ZMAT4: variants seen among roughly 807,000 people sequenced by gnomAD.
The protein encoded by ZMAT4 is zinc finger matrin-type 4, also known as zinc finger matrin-type protein 4.
Under a neutral mutation model 28.7 loss-of-function variants are expected in ZMAT4, and 17 were observed. That is an observed-to-expected ratio of 0.59 (90% CI 0.41 to 0.89). The LOEUF (loss-of-function observed/expected upper bound fraction) is 0.89. ZMAT4 is among the 40% of genes least tolerant of loss of function. ZMAT4 has a pLI of 0.00. For synonymous variants in ZMAT4, 117 were observed against 109.2 expected (o/e 1.07, Z -0.44); for missense variants, 240 against 283.8 (o/e 0.85, Z 1.11).
chr8:40,843,008 C>T (rs1816756036), intron 1 of ZMAT4, among the ~76,000 whole-genome samples: 1 of 152,114 alleles, frequency 6.6e-6, no homozygotes, highest in Admixed American at 6.5e-5. Context: ...AACTCCAGAC[C>T]TCAGGTGATC....
chr8:40,860,575 A>G (rs964518109), intron 1 of ZMAT4, among the ~76,000 whole-genome samples: 1 of 152,182 alleles, frequency 6.6e-6, no homozygotes, highest in Non-Finnish European at 1.5e-5. Context: ...CCAGCCATAG[A>G]TCTGTGCGTT....
At chr8:40,623,235 A>G (rs2589877) in intron 5 of ZMAT4, among the ~76,000 whole-genome samples, 149,145 of 152,298 alleles carry the variant, frequency 0.98, 73,124 homozygotes, top group Middle Eastern at 1. Flanking sequence ...CTAGAGAATA[A>G]CATGGTCATC....
chr8:40,665,067 G>T (rs534395023), intron 5 of ZMAT4, among the ~76,000 whole-genome samples: 1 of 152,146 alleles, frequency 6.6e-6, no homozygotes, highest in Non-Finnish European at 1.5e-5. Flanking sequence ...CTAGCCAGGC[G>T]TGGTGGTGGG....
intron 3 of ZMAT4, among the ~76,000 whole-genome samples, chr8:40,709,315 G>A (rs1810501739): frequency 3.3e-5 from 5 of 151,928 alleles, no homozygotes; most frequent in Admixed American, 2.6e-4. Flanking sequence ...ATCCATGAAT[G>A]TGGAGCCCAT....
At chr8:40,744,125 C>T (rs1420033736) in intron 3 of ZMAT4, among the ~76,000 whole-genome samples, 2 of 152,194 alleles carry the variant, frequency 1.3e-5, no homozygotes, top group Admixed American at 1.3e-4. Flanking sequence ...TGTGAAGGGC[C>T]TCTTTATGAC....
At chr8:40,744,915 G>A (rs546834583) in intron 3 of ZMAT4, among the ~76,000 whole-genome samples, 5 of 152,226 alleles carry the variant, frequency 3.3e-5, no homozygotes, top group African/African-American at 7.2e-5. Context: ...CAGCAAAGAT[G>A]TATAGAGAGG....
intron 1 of ZMAT4, among the ~76,000 whole-genome samples, chr8:40,873,657 G>T (rs984000402): frequency 2.6e-5 from 4 of 152,190 alleles, no homozygotes; most frequent in Non-Finnish European, 5.9e-5. Flanking sequence ...CCCCACACCT[G>T]CCTGCCATGC....
intron 1 of ZMAT4, among the ~76,000 whole-genome samples, chr8:40,862,478 C>T (rs912520977): frequency 3.5e-5 from 5 of 143,096 alleles, no homozygotes; most frequent in East Asian, 2.2e-4. Context: ...CTAGACGACA[C>T]GTTAGTGGGT....
intron 5 of ZMAT4, among the ~76,000 whole-genome samples, chr8:40,664,247 G>T (rs1300488056): frequency 6.6e-6 from 1 of 152,164 alleles, no homozygotes; most frequent in African/African-American, 2.4e-5. Context: ...TAGGAAGCCA[G>T]CGAACACAAC....
At chr8:40,603,404 C>T (rs561285751) in intron 5 of ZMAT4, among the ~76,000 whole-genome samples, 13 of 152,126 alleles carry the variant, frequency 8.5e-5, no homozygotes, top group South Asian at 6.2e-4. Flanking sequence ...TTTGGCTATG[C>T]GGACTCTTTT....
chr8:40,893,282 T>C (rs866319447), intron 1 of ZMAT4, among the ~76,000 whole-genome samples: 1 of 152,192 alleles, frequency 6.6e-6, no homozygotes. Context: ...TCCGAGAGCT[T>C]CCAGAGCTGT....
At chr8:40,869,970 C>A (rs1817796678) in intron 1 of ZMAT4, among the ~76,000 whole-genome samples, 1 of 152,132 alleles carries the variant, frequency 6.6e-6, no homozygotes, top group Admixed American at 6.6e-5. Context: ...TCAGGACACA[C>A]CACCCCAAAA....
chr8:40,832,327 G>A (rs1346887318), intron 1 of ZMAT4, among the ~76,000 whole-genome samples: 1 of 152,138 alleles, frequency 6.6e-6, no homozygotes, highest in Non-Finnish European at 1.5e-5. Context: ...GAGCTGGGAT[G>A]GGCTAACATC....
intron 1 of ZMAT4, among the ~76,000 whole-genome samples, chr8:40,840,158 T>C (rs1816650918): frequency 6.6e-6 from 1 of 152,166 alleles, no homozygotes; most frequent in South Asian, 2.1e-4. Context: ...GAGAATACAG[T>C]TGGCACTCAG....
intron 2 of ZMAT4, chr8:40,786,924 G>C (rs1586049943): frequency 3.0e-6 from 1 of 330,984 alleles, no homozygotes; most frequent in East Asian, 8.5e-5. Flanking sequence ...AACAGACAGA[G>C]TCTGTCTCTG....
chr8:40,783,468 G>A (rs56717357), intron 2 of ZMAT4, among the ~76,000 whole-genome samples: 19,626 of 152,090 alleles, frequency 0.13, 1,810 homozygotes, highest in East Asian at 0.37. Flanking sequence ...AGGGGTTTTG[G>A]AGGATGTGGT....
chr8:40,842,376 C>A (rs1816734664), intron 1 of ZMAT4, among the ~76,000 whole-genome samples: 1 of 152,246 alleles, frequency 6.6e-6, no homozygotes, highest in Non-Finnish European at 1.5e-5. Flanking sequence ...GTTGGCTTAG[C>A]ATTTCCTTCA....
At chr8:40,689,093 C>T (rs1809547540) in intron 4 of ZMAT4, among the ~76,000 whole-genome samples, 1 of 152,254 alleles carries the variant, frequency 6.6e-6, no homozygotes, top group Non-Finnish European at 1.5e-5. Flanking sequence ...CTAGGAATGC[C>T]TCCCATGGGT....
intron 3 of ZMAT4, among the ~76,000 whole-genome samples, chr8:40,731,292 G>A (rs1235909141): frequency 1.3e-5 from 2 of 151,872 alleles, no homozygotes; most frequent in Non-Finnish European, 1.5e-5. Context: ...GCATATGGGC[G>A]GGGGAGGGGG....
Sources: allele counts gnomAD v4.1 joint callset (sites outside exome capture counted in the v4.1 genomes callset), GRCh38; gene constraint gnomAD v4.1.1; transcripts MANE v1.5; gene names NCBI Gene and HGNC (gene_info 2026-07-23, HGNC 2026-07-21).